EML6: variants seen among roughly 807,000 people sequenced by gnomAD.
EML6 encodes EMAP like 6.
Under a neutral mutation model 240.1 loss-of-function variants are expected in EML6, and 154 were observed. The observed-to-expected ratio is 0.64, with a 90% CI of 0.56 to 0.73. The LOEUF (loss-of-function observed/expected upper bound fraction) is 0.73. EML6 is among the 30% of genes least tolerant of loss of function. The pLI is 0.00. For synonymous variants in EML6, 1,148 were observed against 899.0 expected, an observed-to-expected ratio of 1.28 and a Z score of -4.95; for missense variants, 2,964 against 2,474.6, an observed-to-expected ratio of 1.20 and a Z score of -4.20.
chr2:54,933,084 C>T (rs1047750620), intron 28 of EML6, among the ~76,000 whole-genome samples: 1 of 152,070 alleles, frequency 6.6e-6, no homozygotes, highest in Admixed American at 6.5e-5. Flanking sequence ...TGGGTTATTA[C>T]AGTTCTTCAG....
intron 21 of EML6, among the ~76,000 whole-genome samples, chr2:54,896,311 C>A (rs1441087448): frequency 6.6e-6 from 1 of 152,210 alleles, no homozygotes; most frequent in African/African-American, 2.4e-5. Flanking sequence ...ATGCCAGATG[C>A]ACCTGTGCCC....
intron 17 of EML6, among the ~76,000 whole-genome samples, chr2:54,886,428 C>G (rs973488301): frequency 6.6e-6 from 1 of 152,128 alleles, no homozygotes; most frequent in Non-Finnish European, 1.5e-5. Flanking sequence ...CCTCAGCCCC[C>G]CAGAGTGTTG....
At chr2:54,735,554 CAA>C (rs1683352210) in intron 2 of EML6, among the ~76,000 whole-genome samples, 1 of 152,058 alleles carries the variant, frequency 6.6e-6, no homozygotes, top group Non-Finnish European at 1.5e-5. Flanking sequence ...TCTTAGACAC[CAA>C]ATTTGATTTG....
At chr2:54,870,719 G>A (rs149869429) in intron 15 of EML6, among the ~76,000 whole-genome samples, 1 of 152,046 alleles carries the variant, frequency 6.6e-6, no homozygotes, top group East Asian at 1.9e-4. Flanking sequence ...TCCCCAAGGA[G>A]TTACTGCACT....
At chr2:54,755,949 T>C (rs1344415980) in intron 2 of EML6, among the ~76,000 whole-genome samples, 1 of 152,110 alleles carries the variant, frequency 6.6e-6, no homozygotes, top group Non-Finnish European at 1.5e-5. Context: ...TTGTATGTAC[T>C]GGTTAGGAAT....
chr2:54,928,051 A>G (rs931592673), intron 26 of EML6, among the ~76,000 whole-genome samples: 10 of 152,224 alleles, frequency 6.6e-5, no homozygotes, highest in Admixed American at 3.3e-4. Context: ...TTATATGTCT[A>G]TAGATTCCCA....
intron 7 of EML6, among the ~76,000 whole-genome samples, chr2:54,838,908 G>A (rs935612061): frequency 6.6e-6 from 1 of 152,186 alleles, no homozygotes; most frequent in African/African-American, 2.4e-5. Flanking sequence ...GAGAACTTCT[G>A]TGGTTTTAAA....
chr2:54,882,975 C>T (rs1328504015), intron 17 of EML6: 1 of 151,610 alleles, frequency 6.6e-6, no homozygotes, highest in Non-Finnish European at 1.5e-5. Context: ...ATTTTAGGTC[C>T]CTACCTTTAC....
chr2:54,793,574 T>C (rs188252615), intron 2 of EML6, among the ~76,000 whole-genome samples: 74 of 152,258 alleles, frequency 4.9e-4, no homozygotes, highest in African/African-American at 1.7e-3. Flanking sequence ...AGGCAATTGT[T>C]TCAAAGGCTG....
chr2:54,907,891 TTAGATAGATTAGATAGATAGA>T (rs1490731223), intron 24 of EML6, among the ~76,000 whole-genome samples: 2 of 149,140 alleles, frequency 1.3e-5, no homozygotes, highest in Admixed American at 6.7e-5. Flanking sequence ...ATTAGATAGA[TTAGATAGATTAGATAGATAGA>T]TAGATAGATA....
At chr2:54,900,063 C>T (rs1269117640) in intron 22 of EML6, among the ~76,000 whole-genome samples, 4 of 152,172 alleles carry the variant, frequency 2.6e-5, no homozygotes, top group African/African-American at 4.8e-5. Context: ...TCATTGAGAG[C>T]TGTGGGAGTC....
intron 2 of EML6, among the ~76,000 whole-genome samples, chr2:54,766,067 T>A (rs1668176173): frequency 6.6e-6 from 1 of 152,164 alleles, no homozygotes; most frequent in Non-Finnish European, 1.5e-5. Flanking sequence ...TTTTCCTTCA[T>A]CTATCCACAT....
intron 2 of EML6, among the ~76,000 whole-genome samples, chr2:54,785,333 G>A (rs1050430098): frequency 2.0e-5 from 3 of 151,858 alleles, no homozygotes; most frequent in Non-Finnish European, 4.4e-5. Flanking sequence ...GAGCCACCAC[G>A]CCTGGCTTAT....
chr2:54,792,137 G>A (rs1359509511), intron 2 of EML6, among the ~76,000 whole-genome samples: 2 of 152,254 alleles, frequency 1.3e-5, no homozygotes, highest in South Asian at 2.1e-4. Flanking sequence ...AAATTACAGT[G>A]GGAAATGGGA....
At chr2:54,925,965 CAGAG>C (rs1674521239) in intron 26 of EML6, among the ~76,000 whole-genome samples, 3 of 152,158 alleles carry the variant, frequency 2.0e-5, no homozygotes, top group Non-Finnish European at 2.9e-5. Flanking sequence ...GATGATTCTT[CAGAG>C]AGAAACTTTG....
At chr2:54,957,041 A>G (rs372798713) in intron 32 of EML6, among the ~76,000 whole-genome samples, 3 of 152,320 alleles carry the variant, frequency 2.0e-5, no homozygotes, top group South Asian at 4.1e-4. Context: ...AGTATCAAGC[A>G]CTGTGCTCAG....
At chr2:54,929,002 T>G (rs1245606571) in intron 28 of EML6, among the ~76,000 whole-genome samples, 1 of 147,104 alleles carries the variant, frequency 6.8e-6, no homozygotes, top group African/African-American at 2.5e-5. Flanking sequence ...TGAAATTTAG[T>G]TGGACTACAC....
chr2:54,917,760 G>T (rs142787195), intron 26 of EML6, among the ~76,000 whole-genome samples: 5 of 152,234 alleles, frequency 3.3e-5, no homozygotes, highest in African/African-American at 1.2e-4. Context: ...TTGACTCCCC[G>T]AAGTCTCATT....
chr2:54,885,196 G>A (rs1165037753), intron 17 of EML6, among the ~76,000 whole-genome samples: 2 of 152,036 alleles, frequency 1.3e-5, no homozygotes, highest in Non-Finnish European at 2.9e-5. Context: ...TGTAATCCCA[G>A]CACTTTGGGA....
Sources: gnomAD v4.1 joint callset for allele counts (sites outside exome capture counted in the v4.1 genomes callset) on GRCh38, gnomAD v4.1.1 for gene constraint, MANE v1.5 for transcripts, NCBI Gene and HGNC (gene_info 2026-07-23, HGNC 2026-07-21) for gene names.